TMEM270: variants seen among roughly 807,000 people sequenced by gnomAD.
TMEM270 encodes transmembrane protein 270, also known as Williams-Beuren syndrome chromosome region 28.
A neutral mutation model predicts 29.9 loss-of-function variants in TMEM270; 30 were observed. That is an observed-to-expected ratio of 1.00 (90% CI 0.75 to 1.36). The LOEUF (loss-of-function observed/expected upper bound fraction) is 1.36, where lower values mean the gene tolerates loss of function less well. TMEM270 is among the 40% of genes most tolerant of loss of function. The probability of loss-of-function intolerance (pLI) is 0.00; values close to 1 mark genes in which losing one functional copy is unlikely to be tolerated. For synonymous variants in TMEM270, 135 were observed against 139.8 expected (o/e 0.97, Z 0.24); for missense variants, 313 against 307.1 (o/e 1.02, Z -0.14).
intron 1 of TMEM270, among the ~76,000 whole-genome samples, chr7:73,864,657 C>T (rs1303769804): frequency 1.3e-5 from 2 of 151,858 alleles, no homozygotes; most frequent in Non-Finnish European, 2.9e-5. Context: ...AATCCCAGCA[C>T]TTTGGGAGGC....
At chr7:73,863,458 G>T (rs9638318) in intron 1 of TMEM270, among the ~76,000 whole-genome samples, 108,202 of 150,948 alleles carry the variant, frequency 0.72, 39,041 homozygotes, top group East Asian at 0.8. Flanking sequence ...GGCACGATCT[G>T]GGCAAACTGC....
intron 1 of TMEM270, 183 bp downstream of exon 1, chr7:73,861,449 C>A: frequency 1.5e-6 from 1 of 650,362 alleles, no homozygotes; most frequent in South Asian, 1.7e-5. Flanking sequence ...CTGACATTTT[C>A]TTTTCTTTTC....
intron 1 of TMEM270, among the ~76,000 whole-genome samples, chr7:73,863,270 G>A (rs186276093): frequency 6.6e-6 from 1 of 152,198 alleles, no homozygotes; most frequent in Non-Finnish European, 1.5e-5. Context: ...TTCCAGCTCT[G>A]ATGAAGGGTC....
intron 1 of TMEM270, 174 bp downstream of exon 1, chr7:73,861,440 T>G (rs924884619): frequency 4.6e-6 from 3 of 656,498 alleles, no homozygotes; most frequent in South Asian, 3.4e-5. Context: ...ACTACAGTGC[T>G]GACATTTTCT....
Position 73,865,599 on chromosome 7 carries a change from T to G in TMEM270, c.524T>G (p.Val175Gly), listed in dbSNP as rs575511701. 1 of 1,614,000 alleles carries G rather than the reference T, an allele frequency of 6.2e-7. No homozygotes were observed. The highest frequency in any genetic ancestry group is 2.2e-5 in the East Asian group (1 of 44,880). ...LSKALQVNCV[V>G]RKLLVQLRRL... ...CAGGCCTTGCAAGTGAACTGCGTGGTAAGGAAGCTCCTGGTACAGCTGAGA... is the reference window on the plus strand; with the variant it reads ...CAGGCCTTGCAAGTGAACTGCGTGGGAAGGAAGCTCCTGGTACAGCTGAGA... The change falls in exon 3 of 3, where the codon GTA becomes GGA. Residue 175 changes from valine (V) to glycine (G), a missense_variant. By Grantham distance (109) the Val-to-Gly change is moderately radical. Coordinates refer to ENST00000320531, the MANE Select transcript of TMEM270 (RefSeq NM_182504.4).
intron 1 of TMEM270, among the ~76,000 whole-genome samples, chr7:73,864,757 G>T (rs1788860713): frequency 6.6e-6 from 1 of 151,996 alleles, no homozygotes; most frequent in African/African-American, 2.4e-5. Flanking sequence ...ACAAAAACTA[G>T]CCAGGTGTGG....
intron 1 of TMEM270, among the ~76,000 whole-genome samples, chr7:73,863,836 G>C (rs892560715): frequency 2.0e-5 from 3 of 152,158 alleles, no homozygotes; most frequent in Non-Finnish European, 4.4e-5. Flanking sequence ...TGATGCCAGG[G>C]GACAACTGGT....
At chr7:73,861,536 A>C (rs1554639262) in intron 1 of TMEM270, 2 of 594,608 alleles carry the variant, frequency 3.4e-6, no homozygotes, top group East Asian at 7.1e-5. Flanking sequence ...TGCAGCCTCC[A>C]ACTCCCGGTC....
In TMEM270 at chr7:73,861,252, A is replaced by G. The variant is rs1303664644; in HGVS notation, c.58A>G (p.Arg20Gly). Reference sequence around the variant, plus strand: ...TTTGGGGATCCTGTTGCAGGTTACGAGGCTCTCAGTGCTGGTGAGTGGGGG... The same window carrying G: ...TTTGGGGATCCTGTTGCAGGTTACGGGGCTCTCAGTGCTGGTGAGTGGGGG... ...SLLGILLQVTRLSVLLVQNRD... is the reference protein window; with the variant it reads ...SLLGILLQVTGLSVLLVQNRD... Residue 20 changes from arginine (R) to glycine (G), a missense_variant, in exon 1 of 3, where the codon AGG becomes GGG. Arg to Gly is a moderately radical substitution (Grantham distance 125, BLOSUM62 -2). Transcript: ENST00000320531. 1.9e-6 allele frequency: 3 copies of G among 1,550,938 alleles called. No individual in the cohort carries two copies. The highest frequency in any genetic ancestry group is 2.6e-6 in the Non-Finnish European group (3 of 1,137,860).
At position 73,865,230 on chromosome 7, in the gene TMEM270, G is replaced by A; in HGVS notation, c.310G>A (p.Gly104Ser). The A allele has an allele frequency of 6.2e-7, 1 of 1,613,742 alleles. No homozygotes were observed. The highest frequency in any genetic ancestry group is 8.5e-7 in the Non-Finnish European group (1 of 1,180,022). Residue 104 changes from glycine (G) to serine (S), a missense_variant, in exon 2 of 3, where the codon GGC (glycine) becomes AGC (serine). By Grantham distance (56) the Gly-to-Ser change is moderately conservative (BLOSUM62 0). Coordinates refer to ENST00000320531, the MANE Select transcript of TMEM270 (RefSeq NM_182504.4). ...CAGGCTGATGTGGGCTGGCATGTGGGGCAGCACCAAGGGCCTGGGCCTGGC... is the reference window on the plus strand; with the variant it reads ...CAGGCTGATGTGGGCTGGCATGTGGAGCAGCACCAAGGGCCTGGGCCTGGC... ...GPRLMWAGMW[G>S]STKGLGLALL... is the part of the protein sequence containing the mutation.
At position 73,865,164 on chromosome 7, in the gene TMEM270, G is replaced by C. The variant is rs782390348; in HGVS notation, c.244G>C (p.Ala82Pro). The change falls in exon 2 of 3, where the codon GCT becomes CCT. Residue 82 changes from alanine (A) to proline (P), a missense_variant. Transcript: ENST00000320531. The part of the protein sequence containing the change: ...PLGQALWAGL[A>P]LIQVPVWLVL... ...GGGCCAGGCTCTCTGGGCTGGGCTG[G>C]CTCTGATACAGGTCCCCGTATGGCT... 2.5e-6 allele frequency: 4 copies of C among 1,612,224 alleles called. No individual in the cohort carries two copies. Among genetic ancestry groups the C allele is most frequent in the Admixed American group, 3.3e-5 (2 of 59,954 alleles).
At chr7:73,861,011 C>T (rs1788761488), upstream of TMEM270, 1 of 630,018 alleles carries the variant, frequency 1.6e-6, no homozygotes, top group Middle Eastern at 4.3e-4. Context: ...TCTAAGACCT[C>T]CTTGGCCGTG....
chr7:73,863,087 T>C (rs896551113), intron 1 of TMEM270, among the ~76,000 whole-genome samples: 6 of 152,116 alleles, frequency 3.9e-5, no homozygotes, highest in Admixed American at 3.3e-4. Context: ...ACCCTAATTC[T>C]TCTCCCTGCT....
chr7:73,864,682 C>A (rs1258064908), intron 1 of TMEM270, among the ~76,000 whole-genome samples: 2 of 151,686 alleles, frequency 1.3e-5, no homozygotes, highest in Non-Finnish European at 2.9e-5. Flanking sequence ...GCGGGTGGAT[C>A]ATCTAAGGTC....
At chr7:73,863,438 G>A in intron 1 of TMEM270, among the ~76,000 whole-genome samples, 1 of 149,868 alleles carries the variant, frequency 6.7e-6, no homozygotes, top group African/African-American at 2.5e-5. Flanking sequence ...TACCCAGGCT[G>A]GAGTGCAGTG....
chr7:73,861,126 G>T (rs1015475002), upstream of TMEM270: 6 of 1,534,738 alleles, frequency 3.9e-6, no homozygotes, highest in Non-Finnish European at 5.4e-6. Flanking sequence ...TGGTAACTTG[G>T]TCCCCACCCT....
upstream of TMEM270, chr7:73,861,078 G>A: frequency 1.0e-6 from 1 of 962,954 alleles, no homozygotes; most frequent in South Asian, 1.3e-5. Context: ...CAGGAGCCAG[G>A]TAAAGGCAGT....
intron 1 of TMEM270, chr7:73,861,597 C>T (rs1430435917): frequency 2.2e-6 from 1 of 451,754 alleles, no homozygotes; most frequent in Non-Finnish European, 4.3e-6. Context: ...TATAGGTGTG[C>T]ACCACCACGC....
Position 73,865,150 on chromosome 7 carries a change from T to A in TMEM270, c.230T>A (p.Leu77His). ...GCAGCCTGCCCCCTGGGCCAGGCTC[T>A]CTGGGCTGGGCTGGCTCTGATACAG... ...GAAACPLGQA[L>H]WAGLALIQVP... The change falls in exon 2 of 3, where the codon CTC becomes CAC. Residue 77 changes from leucine to histidine, a missense_variant. Leu to His is a moderately conservative substitution (Grantham distance 99, BLOSUM62 -3). Transcript: ENST00000320531. The A allele has an allele frequency of 6.2e-7, 1 of 1,610,398 alleles. No individual in the cohort carries two copies. Among genetic ancestry groups the A allele is most frequent in the Middle Eastern group, 1.7e-4 (1 of 6,046 alleles).
Sources: gnomAD v4.1 joint callset for allele counts (sites outside exome capture counted in the v4.1 genomes callset) on GRCh38, gnomAD v4.1.1 for gene constraint, MANE v1.5 for transcripts, NCBI Gene and HGNC (gene_info 2026-07-23, HGNC 2026-07-21) for gene names.